The following TG variants were observed in gnomAD, a reference collection of about 807,000 sequenced individuals.
TG encodes thyroglobulin.
A neutral mutation model predicts 324.7 loss-of-function variants in TG; 270 were observed. The ratio of observed to expected loss-of-function variants is 0.83; its 90% CI spans 0.75 to 0.92. The LOEUF is 0.92. TG is among the 40% of genes least tolerant of loss of function. The pLI is 0.00. For synonymous variants in TG, 1,401 were observed against 1,327.0 expected, an observed-to-expected ratio of 1.06 and a Z score of -1.21; for missense variants, 3,591 against 3,456.4, an observed-to-expected ratio of 1.04 and a Z score of -0.98.
Position 133,095,220 on chromosome 8 carries a change from A to G in TG, c.7404+12A>G. 1 of 1,614,248 alleles carries G rather than the reference A, an allele frequency of 6.2e-7. No homozygotes were observed. The highest frequency in any genetic ancestry group is 8.5e-7 in the Non-Finnish European group (1 of 1,180,036). On this transcript the variant is annotated intron_variant, in intron 42 of 47. Coordinates refer to ENST00000220616, the MANE Select transcript of TG (RefSeq NM_003235.5). ...ATGCCCAGACCAAGGTGAGCACTTA[A>G]GTGCAAGTTGGGAAGGGACATTCTC...
chr8:132,889,818 C>T (rs1815971768), intron 10 of TG, among the ~76,000 whole-genome samples: 1 of 152,086 alleles, frequency 6.6e-6, no homozygotes, highest in South Asian at 2.1e-4. Context: ...CTCTTGTTGC[C>T]CAGGCTGGAG....
chr8:132,967,627 C>T lies in TG; in HGVS notation c.5687-167C>T, dbSNP rs2249869. Among the ~76,000 whole-genome samples the T allele has an allele frequency of 0.41, 61,822 of 152,056 alleles. 14,796 individuals carry two copies. The highest frequency in any genetic ancestry group is 0.53 in the Admixed American group (8,026 of 15,278). On this transcript the variant is annotated intron_variant, in intron 30 of 47. Coordinates refer to ENST00000220616, the MANE Select transcript of TG (RefSeq NM_003235.5). ...CCCTCCCCAGCTAGCAGAACCCCAG[C>T]GTTTTTGCATGGGCCTTCCAGACTG...
chr8:132,972,577 T>G (rs759275536), intron 33 of TG, 21 bp from the exon 34 acceptor site: 16 of 1,185,334 alleles, frequency 1.3e-5, no homozygotes, highest in African/African-American at 1.6e-5. Context: ...TGGTTTTTTG[T>G]TTTTTTTTTT....
At chr8:132,914,742 A>G in intron 20 of TG, among the ~76,000 whole-genome samples, 1 of 152,166 alleles carries the variant, frequency 6.6e-6, no homozygotes, top group East Asian at 1.9e-4. Flanking sequence ...AGAGCCTGTG[A>G]TCTTTCTTTC....
At chr8:132,898,557 C>T (rs1255974577) in intron 13 of TG, among the ~76,000 whole-genome samples, 2 of 152,326 alleles carry the variant, frequency 1.3e-5, no homozygotes, top group South Asian at 4.1e-4. Flanking sequence ...AACCGCCTCG[C>T]CTCTGAACCT....
chr8:132,958,761 T>C (rs569192101), intron 27 of TG, among the ~76,000 whole-genome samples: 1 of 152,170 alleles, frequency 6.6e-6, no homozygotes, highest in African/African-American at 2.4e-5. Flanking sequence ...TGACAAAGTC[T>C]AAAACCCCAT....
At chr8:132,894,190 A>C (rs1456290522) in intron 11 of TG, among the ~76,000 whole-genome samples, 2 of 152,118 alleles carry the variant, frequency 1.3e-5, no homozygotes, top group Non-Finnish European at 2.9e-5. Flanking sequence ...CACAAAGCCA[A>C]TATTCTTGTT....
At chr8:132,991,335 AC>A (rs1304172746) in intron 35 of TG, among the ~76,000 whole-genome samples, 2 of 152,014 alleles carry the variant, frequency 1.3e-5, no homozygotes, top group African/African-American at 4.8e-5. Flanking sequence ...CTGTGCACCA[AC>A]CCAGGCACAC....
intron 41 of TG, among the ~76,000 whole-genome samples, chr8:133,092,425 G>A (rs1012821267): frequency 6.6e-6 from 1 of 152,216 alleles, no homozygotes; most frequent in African/African-American, 2.4e-5. Context: ...TTTAGATAAA[G>A]CCGGAGCCCA....
intron 41 of TG, among the ~76,000 whole-genome samples, chr8:133,068,657 G>A (rs953815136): frequency 2.6e-5 from 4 of 152,330 alleles, no homozygotes; most frequent in East Asian, 3.9e-4. Flanking sequence ...CCACACTGAC[G>A]CAAGGGGCTC....
chr8:132,936,197 A>T (rs1451498764), intron 25 of TG, among the ~76,000 whole-genome samples: 1 of 152,254 alleles, frequency 6.6e-6, no homozygotes, highest in African/African-American at 2.4e-5. Context: ...TACGAAGTGA[A>T]GGATCTTGGC....
intron 41 of TG, among the ~76,000 whole-genome samples, chr8:133,071,753 C>A (rs1472815941): frequency 6.6e-6 from 1 of 152,178 alleles, no homozygotes; most frequent in Admixed American, 6.5e-5. Context: ...ACACTTGGTC[C>A]CCTCTCTTCT....
chr8:132,915,457 G>A (rs1820157296), intron 20 of TG, among the ~76,000 whole-genome samples: 1 of 152,228 alleles, frequency 6.6e-6, no homozygotes, highest in Admixed American at 6.5e-5. Flanking sequence ...AACTTTGCCT[G>A]AAGGGGAAAG....
Position 133,095,053 on chromosome 8 carries a change from G to C in TG, c.7249G>C (p.Ala2417Pro). 6.2e-7 allele frequency: 1 copy of C among 1,613,598 alleles called. No homozygotes were observed. Among genetic ancestry groups the C allele is most frequent in the Non-Finnish European group, 8.5e-7 (1 of 1,180,018 alleles). ...CTGCTTTCTCTTCCAGGGAGGCTCC[G>C]CACTCTCCCCGGCCGCCGTCATCAG... ...FRRAVLMGGS[A>P]LSPAAVISHE... The change falls in exon 42 of 48, where the codon GCA becomes CCA. Residue 2417 changes from alanine to proline, a missense_variant. Coordinates refer to ENST00000220616, the MANE Select transcript of TG (RefSeq NM_003235.5).
intron 5 of TG, among the ~76,000 whole-genome samples, chr8:132,878,909 C>T (rs1814248655): frequency 6.6e-6 from 1 of 152,118 alleles, no homozygotes; most frequent in African/African-American, 2.4e-5. Flanking sequence ...TCCAGCTGGC[C>T]CAAGGCTAGG....
intron 41 of TG, among the ~76,000 whole-genome samples, chr8:133,043,753 C>A (rs974555938): frequency 4.6e-5 from 7 of 152,228 alleles, no homozygotes; most frequent in Admixed American, 4.6e-4. Context: ...GGACCCATTT[C>A]TCCTTGAAAT....
chr8:133,085,813 C>G (rs1185828886), intron 41 of TG, among the ~76,000 whole-genome samples: 1 of 152,194 alleles, frequency 6.6e-6, no homozygotes, highest in African/African-American at 2.4e-5. Flanking sequence ...AGTTTGGCAA[C>G]TTCTCAGAAG....
At chr8:133,022,260 G>A (rs1835636176) in intron 40 of TG, 110 bp downstream of exon 40, 2 of 1,466,976 alleles carry the variant, frequency 1.4e-6, no homozygotes, top group Admixed American at 1.7e-5. Context: ...GCCAAGCTAG[G>A]CACACAGTGG....
chr8:132,921,143 C>A (rs1386263473), intron 21 of TG, among the ~76,000 whole-genome samples: 1 of 152,152 alleles, frequency 6.6e-6, no homozygotes, highest in Non-Finnish European at 1.5e-5. Context: ...CTCAGTTAAA[C>A]CTAGTTACTT....
Sources: gnomAD v4.1 joint callset for allele counts (sites outside exome capture counted in the v4.1 genomes callset) on GRCh38, gnomAD v4.1.1 for gene constraint, MANE v1.5 for transcripts, NCBI Gene and HGNC (gene_info 2026-07-23, HGNC 2026-07-21) for gene names.